Variants in SLC25A45 observed in about 807,000 individuals in gnomAD.
SLC25A45 encodes methylated amino-acid transporter SLC25A45.
A neutral mutation model predicts 23.0 loss-of-function variants in SLC25A45; 22 were observed. The observed-to-expected ratio is 0.95, with a 90% CI of 0.68 to 1.36. SLC25A45 has a LOEUF of 1.36. Ranked by LOEUF, SLC25A45 falls within the 40% of genes most tolerant of loss-of-function variation. The probability of loss-of-function intolerance (pLI) is 0.00; values close to 1 mark genes in which losing one functional copy is unlikely to be tolerated. For missense variants in SLC25A45, 355 were observed against 383.5 expected (o/e 0.93, Z 0.62); for synonymous variants, 136 against 155.0 (o/e 0.88, Z 0.91).
In SLC25A45 at chr11:65,376,938, G is replaced by A. The variant is rs746217830; in HGVS notation, c.478C>T (p.Pro160Ser). 7.4e-6 allele frequency: 12 copies of A among 1,613,210 alleles called. No individual in the cohort carries two copies. The highest frequency in any genetic ancestry group is 1.7e-5 in the Admixed American group (1 of 59,890). The change falls in exon 6 of 7, where the codon CCC becomes TCC. Residue 160 changes from proline (P) to serine (S), a missense_variant. Transcript: ENST00000398802. The part of the protein sequence containing the change: ...CAASIFREEG[P>S]RGLFRGAWAL... ...CAGGCTCCTCGGAACAGCCCCCGGG[G>A]CCCCTCCTCCCGGAAGATGGAGGCT... is the stretch of plus-strand genomic sequence containing the variant.
chr11:65,380,055 CA>C, intron 3 of SLC25A45, 76 bp downstream of exon 3: 2 of 1,583,156 alleles, frequency 1.3e-6, no homozygotes, highest in South Asian at 2.2e-5. Flanking sequence ...CAAGATTAGC[CA>C]GGCCTGATCT....
chr11:65,380,045 C>T, intron 3 of SLC25A45, 87 bp downstream of exon 3: 1 of 1,584,446 alleles, frequency 6.3e-7, no homozygotes, highest in South Asian at 1.1e-5. Flanking sequence ...GCAGGAAAGG[C>T]AAGATTAGCC....
Position 65,376,359 on chromosome 11 carries a change from C to T in SLC25A45, c.*48G>A, listed in dbSNP as rs1434043320. The T allele has an allele frequency of 6.3e-6, 10 of 1,594,832 alleles. No homozygotes were observed. Among genetic ancestry groups the T allele is most frequent in the Non-Finnish European group, 8.6e-6 (10 of 1,166,940 alleles). The stretch of plus-strand genomic sequence containing the variant: ...AACCTGGCCTCCAATCTCAAACTGG[C>T]CTCCAGGCCGTGGGCCTGATGGGGA... On this transcript the variant is annotated 3_prime_UTR_variant, in exon 7 of 7. Transcript: ENST00000398802.
At position 65,376,541 on chromosome 11, in the gene SLC25A45, A is replaced by G. The variant is rs775077962; in HGVS notation, c.733T>C (p.Cys245Arg). ...RRRVYQGMLD[C>R]MVSSIRQEGL... ...TCCTGCCGGATGCTGCTCACCATGCAGTCCAGCATCCCCTGGTACACTCTG... is the reference window on the plus strand; with the variant it reads ...TCCTGCCGGATGCTGCTCACCATGCGGTCCAGCATCCCCTGGTACACTCTG... The change falls in exon 7 of 7, where the codon TGC (cysteine) becomes CGC (arginine). Residue 245 changes from cysteine (C) to arginine (R), a missense_variant. Cys to Arg is a radical substitution (Grantham distance 180). Coordinates refer to ENST00000398802, the MANE Select transcript of SLC25A45 (RefSeq NM_182556.4). 3.7e-5 allele frequency: 59 copies of G among 1,614,070 alleles called. 1 individual carries two copies. Among genetic ancestry groups the G allele is most frequent in the African/African-American group, 4.0e-5 (3 of 74,922 alleles).
intron 5 of SLC25A45, chr11:65,377,499 G>A (rs1855280077): frequency 2.1e-5 from 17 of 829,144 alleles, no homozygotes; most frequent in Non-Finnish European, 2.5e-5. Flanking sequence ...CTTTCCCAGG[G>A]TGAAGGAGGT....
At chr11:65,376,720 G>C in intron 6 of SLC25A45, 45 bp from the exon 7 acceptor site, 5 of 1,613,746 alleles carry the variant, frequency 3.1e-6, no homozygotes, top group Non-Finnish European at 4.2e-6. Flanking sequence ...CCAGAACAGA[G>C]CATCCTCCCC....
chr11:65,376,559 A>G lies in SLC25A45; in HGVS notation c.715T>C (p.Tyr239His). The change falls in exon 7 of 7, where the codon TAC becomes CAC. Residue 239 changes from tyrosine (Y) to histidine (H), a missense_variant. Coordinates refer to ENST00000398802, the MANE Select transcript of SLC25A45 (RefSeq NM_182556.4). Reference sequence around the variant, plus strand: ...ACCATGCAGTCCAGCATCCCCTGGTACACTCTGCGTCTCAGTCCATCCATC... The same window carrying G: ...ACCATGCAGTCCAGCATCCCCTGGTGCACTCTGCGTCTCAGTCCATCCATC... ...MQMDGLRRRV[Y>H]QGMLDCMVSS... 6.2e-7 allele frequency: 1 copy of G among 1,614,172 alleles called. No individual in the cohort carries two copies. The highest frequency in any genetic ancestry group is 8.5e-7 in the Non-Finnish European group (1 of 1,180,018).
chr11:65,376,183 A>C lies in SLC25A45; in HGVS notation c.*224T>G. On this transcript the variant is annotated 3_prime_UTR_variant, in exon 7 of 7. Transcript: ENST00000398802. ...ATGCTCCCTGTTTCACAGATGTGGGAGGCAAAGGAGTCAAGGCCAGCTACA... is the reference window on the plus strand; with the variant it reads ...ATGCTCCCTGTTTCACAGATGTGGGCGGCAAAGGAGTCAAGGCCAGCTACA... 1 of 586,516 alleles carries C rather than the reference A, an allele frequency of 1.7e-6. No homozygotes were observed. Among genetic ancestry groups the C allele is most frequent in the South Asian group, 2.1e-5 (1 of 48,356 alleles). The allele number at this position is 586,516 out of a possible 1,614,324, so 36.3% of individuals were successfully genotyped here. A position where few individuals can be genotyped will look rare whatever the true frequency, so the allele number is the denominator to read the frequency against.
At position 65,376,276 on chromosome 11, in the gene SLC25A45, G is replaced by T; in HGVS notation, c.*131C>A. The T allele has an allele frequency of 1.7e-6, 2 of 1,173,318 alleles. No individual in the cohort carries two copies. The highest frequency in any genetic ancestry group is 2.4e-6 in the Non-Finnish European group (2 of 832,990). The allele number at this position is 1,173,318 out of a possible 1,614,324, so 72.7% of individuals were successfully genotyped here. The stretch of plus-strand genomic sequence containing the variant: ...TGTCTGCCCAGCCCAGATCTGCGCG[G>T]GTGGGAGGCACCTTGGTTAGGAAGG... On this transcript the variant is annotated 3_prime_UTR_variant, in exon 7 of 7. Transcript: ENST00000398802.
In SLC25A45 at chr11:65,382,007, C is replaced by A; in HGVS notation, c.-18-38G>T. On this transcript the variant is annotated intron_variant, in intron 1 of 6. Coordinates refer to ENST00000398802, the MANE Select transcript of SLC25A45 (RefSeq NM_182556.4). This position sits in a 1 kb window ranked among gnomAD's most constrained non-coding sequence, Gnocchi z 4.4. ...GCAGAGGAGACAGAGTTGAATTCCC[C>A]CCTCTCCCTCCCCTGGCCCACGCTG... 7.0e-7 allele frequency: 1 copy of A among 1,436,884 alleles called. No individual in the cohort carries two copies. Among genetic ancestry groups the A allele is most frequent in the Non-Finnish European group, 9.8e-7 (1 of 1,018,480 alleles). The allele number at this position is 1,436,884 out of a possible 1,614,324, so 89.0% of individuals were successfully genotyped here. A position where few individuals can be genotyped will look rare whatever the true frequency, so the allele number is the denominator to read the frequency against.
intron 5 of SLC25A45, 122 bp from the exon 6 acceptor site, chr11:65,377,198 C>G (rs183756016): frequency 6.9e-7 from 1 of 1,450,836 alleles, no homozygotes; most frequent in Non-Finnish European, 9.1e-7. Context: ...GGAACCCTGC[C>G]GGCACCCAGC....
At chr11:65,381,783 C>G (rs1855572684) in intron 2 of SLC25A45, 132 bp downstream of exon 2, 2 of 1,142,360 alleles carry the variant, frequency 1.8e-6, no homozygotes, top group African/African-American at 1.5e-5. Context: ...GTCTCAAACT[C>G]CTGGGCTCAA....
chr11:65,377,143 C>T, intron 5 of SLC25A45, 67 bp from the exon 6 acceptor site: 1 of 1,539,966 alleles, frequency 6.5e-7, no homozygotes, highest in Non-Finnish European at 8.7e-7. Flanking sequence ...CTTATATTCA[C>T]AAGAGGAAGG....
In SLC25A45 at chr11:65,376,259, C is replaced by A; in HGVS notation, c.*148G>T. ...CTTCCGGCTCCCACAGGTGTCTGCC[C>A]AGCCCAGATCTGCGCGGGTGGGAGG... is the stretch of plus-strand genomic sequence containing the variant. On this transcript the variant is annotated 3_prime_UTR_variant, in exon 7 of 7. Transcript: ENST00000398802. 2 of 1,014,316 alleles carry A rather than the reference C, an allele frequency of 2.0e-6. No homozygotes were observed. Among genetic ancestry groups the A allele is most frequent in the East Asian group, 5.3e-5 (2 of 38,078 alleles). The allele number at this position is 1,014,316 out of a possible 1,614,324, so 62.8% of individuals were successfully genotyped here.
rs765463562 is a variant in SLC25A45 at position 65,380,197 on chromosome 11, A to G, written c.38-22T>C. On this transcript the variant is annotated intron_variant, in intron 2 of 6. Coordinates refer to ENST00000398802, the MANE Select transcript of SLC25A45 (RefSeq NM_182556.4). Reference sequence around the variant, plus strand: ...GCGCCTGTGGTGACAAGAGGGTGCTATGAGTGAGGGCCCTCGTGCCAGGCC... The same window carrying G: ...GCGCCTGTGGTGACAAGAGGGTGCTGTGAGTGAGGGCCCTCGTGCCAGGCC... 2.2e-5 allele frequency: 36 copies of G among 1,614,028 alleles called. No individual in the cohort carries two copies. In the South Asian group the frequency reaches 3.7e-4, roughly 17 times the overall value.
At chr11:65,378,828 C>T in intron 5 of SLC25A45, 1 of 155,238 alleles carries the variant, frequency 6.4e-6, no homozygotes, top group South Asian at 1.9e-4. Flanking sequence ...CCATCCACCC[C>T]TCTAAAGCCC....
chr11:65,379,250 G>T (rs909811492), intron 5 of SLC25A45, 126 bp downstream of exon 5: 2 of 1,106,208 alleles, frequency 1.8e-6, no homozygotes, highest in Admixed American at 4.2e-5. Flanking sequence ...CATAGCACAG[G>T]CCTCTTGTTC....
At chr11:65,379,176 G>T (rs970437477) in intron 5 of SLC25A45, 200 bp downstream of exon 5, 1 of 612,026 alleles carries the variant, frequency 1.6e-6, no homozygotes, top group Non-Finnish European at 2.8e-6. Flanking sequence ...CCCACCAGCT[G>T]TCTCTGCCTT....
chr11:65,383,361 A>G (rs1224240242), upstream of SLC25A45: 2 of 152,396 alleles, frequency 1.3e-5, no homozygotes, highest in Non-Finnish European at 2.9e-5. Context: ...GCCACCCCCA[A>G]AGATCATCCT....
Sources: allele counts gnomAD v4.1 joint callset, GRCh38; gene constraint gnomAD v4.1.1; non-coding constraint Gnocchi (gnomAD v3.1); transcripts MANE v1.5; gene names NCBI Gene and HGNC (gene_info 2026-07-23, HGNC 2026-07-21).